The following GRAMD1C variants were observed in gnomAD, a reference collection of about 807,000 sequenced individuals.
The protein encoded by GRAMD1C is protein Aster-C.
A neutral mutation model predicts 97.8 loss-of-function variants in GRAMD1C; 89 were observed. The observed-to-expected ratio is 0.91, with a 90% CI of 0.77 to 1.09. GRAMD1C has a LOEUF of 1.09. Among genes scored for constraint, GRAMD1C ranks in the 50% least tolerant of loss-of-function variants. GRAMD1C has a pLI of 0.00. For synonymous variants in GRAMD1C, 256 were observed against 267.0 expected, an observed-to-expected ratio of 0.96 and a Z score of 0.40; for missense variants, 740 against 766.4, an observed-to-expected ratio of 0.97 and a Z score of 0.41.
Position 113,920,129 on chromosome 3 carries a change from C to CA in GRAMD1C, c.1090+4292dup. 7.2e-6 allele frequency: 10 copies of CA among 1,396,980 alleles called. No homozygotes were observed. In the South Asian group the frequency reaches 1.2e-4, roughly 17 times the overall value. The allele number at this position is 1,396,980 out of a possible 1,614,324, so 86.5% of individuals were successfully genotyped here. A position where few individuals can be genotyped will look rare whatever the true frequency, so the allele number is the denominator to read the frequency against. On this transcript the variant is annotated intron_variant, in intron 10 of 17. Transcript: ENST00000358160. ...AAAAGCTCCTGAAAAACTGAGGAAA[C>CA]AGAGAAAAAACTTTCACCAGTGATT...
intron 6 of GRAMD1C, chr3:113,885,993 G>A: frequency 6.7e-7 from 1 of 1,498,928 alleles, no homozygotes; most frequent in East Asian, 2.8e-5. Flanking sequence ...CGTTCATTCT[G>A]TGCTGAGCCG....
intron 13 of GRAMD1C, among the ~76,000 whole-genome samples, chr3:113,935,345 C>A (rs1447855947): frequency 6.6e-6 from 1 of 152,006 alleles, no homozygotes; most frequent in African/African-American, 2.4e-5. Context: ...TTGTCAGATG[C>A]AGCTTTCCTG....
At chr3:113,863,116 A>G (rs1490537210) in intron 2 of GRAMD1C, among the ~76,000 whole-genome samples, 2 of 152,230 alleles carry the variant, frequency 1.3e-5, no homozygotes, top group Non-Finnish European at 2.9e-5. Context: ...ATATGTTCGC[A>G]TAAACATTTT....
chr3:113,892,669 A>G (rs1213227817), intron 6 of GRAMD1C, among the ~76,000 whole-genome samples: 1 of 152,188 alleles, frequency 6.6e-6, no homozygotes, highest in Non-Finnish European at 1.5e-5. Context: ...CTGTGAGTTT[A>G]GCTCCCATTC....
chr3:113,835,367 T>G (rs910573607), upstream of GRAMD1C, among the ~76,000 whole-genome samples: 1 of 152,240 alleles, frequency 6.6e-6, no homozygotes, highest in African/African-American at 2.4e-5. Flanking sequence ...CTGCAAAATA[T>G]ATCAATGCTC....
At chr3:113,936,165 A>T (rs1937573849) in intron 13 of GRAMD1C, 101 bp from the exon 14 acceptor site, 1 of 660,840 alleles carries the variant, frequency 1.5e-6, no homozygotes, top group African/African-American at 1.8e-5. Context: ...AACCTAAGGA[A>T]TTTGTTAAAG....
At chr3:113,899,726 ACT>A (rs1344048182) in intron 6 of GRAMD1C, among the ~76,000 whole-genome samples, 5 of 152,228 alleles carry the variant, frequency 3.3e-5, no homozygotes, top group Admixed American at 1.3e-4. Flanking sequence ...TTATTTTTCA[ACT>A]GGAGGCCATT....
chr3:113,887,806 G>T (rs1043950992), intron 6 of GRAMD1C, among the ~76,000 whole-genome samples: 52 of 151,274 alleles, frequency 3.4e-4, no homozygotes, highest in Admixed American at 3.4e-3. Context: ...ACTGAAAGTG[G>T]TGACAATACT....
chr3:113,887,836 G>C (rs1935575117), intron 6 of GRAMD1C, among the ~76,000 whole-genome samples: 2 of 149,260 alleles, frequency 1.3e-5, no homozygotes, highest in African/African-American at 4.9e-5. Flanking sequence ...ATAAAAATAA[G>C]AAAATTATAA....
At chr3:113,841,523 C>T (rs552576900) in intron 1 of GRAMD1C, among the ~76,000 whole-genome samples, 48 of 152,102 alleles carry the variant, frequency 3.2e-4, no homozygotes, top group Non-Finnish European at 6.2e-4. Flanking sequence ...CTCCTGACCT[C>T]GTGATCCACC....
At chr3:113,890,896 G>A in intron 6 of GRAMD1C, 1 of 533,702 alleles carries the variant, frequency 1.9e-6, no homozygotes, top group Non-Finnish European at 3.3e-6. Flanking sequence ...GAAGAAGAAA[G>A]GGAATTCCAG....
rs1938019213 is a variant in GRAMD1C at position 113,945,394 on chromosome 3, A to G, written c.1909-4A>G. ...CTGATTTTGAAAATTAACTTTGTTT[A>G]CAGCTGAAGAGCTCACTCATTATGC... is the stretch of plus-strand genomic sequence containing the variant. On this transcript the variant is annotated splice_polypyrimidine_tract_variant and splice_region_variant and intron_variant, in intron 17 of 17. Transcript: ENST00000358160. The G allele has an allele frequency of 6.5e-7, 1 of 1,540,746 alleles. No homozygotes were observed. The highest frequency in any genetic ancestry group is 8.9e-7 in the Non-Finnish European group (1 of 1,122,762).
At chr3:113,876,563 A>G (rs1256816444) in intron 5 of GRAMD1C, among the ~76,000 whole-genome samples, 1 of 152,212 alleles carries the variant, frequency 6.6e-6, no homozygotes, top group African/African-American at 2.4e-5. Flanking sequence ...TTTTTCAGTC[A>G]GTAATAACTG....
At chr3:113,843,565 CT>C (rs1933472908) in intron 1 of GRAMD1C, among the ~76,000 whole-genome samples, 2 of 150,698 alleles carry the variant, frequency 1.3e-5, no homozygotes. Flanking sequence ...CTGCAACCTC[CT>C]CCTCCTGGGT....
At chr3:113,944,550 A>T (rs773674722) in intron 17 of GRAMD1C, among the ~76,000 whole-genome samples, 3 of 152,194 alleles carry the variant, frequency 2.0e-5, no homozygotes, top group Non-Finnish European at 4.4e-5. Flanking sequence ...TCTAATCCAA[A>T]ACCTAATTCT....
At chr3:113,925,148 A>G (rs1007614186) in intron 10 of GRAMD1C, among the ~76,000 whole-genome samples, 2 of 152,108 alleles carry the variant, frequency 1.3e-5, no homozygotes, top group Non-Finnish European at 2.9e-5. Flanking sequence ...CCACCCCTTT[A>G]CATTGAGCCT....
rs761604563 is a variant in GRAMD1C at position 113,901,056 on chromosome 3, A to C, written c.566A>C (p.Gln189Pro). Residue 189 changes from glutamine to proline, a missense_variant, in exon 7 of 18, where the codon CAA (glutamine) becomes CCA (proline). Gln to Pro is a moderately conservative substitution (Grantham distance 76). Transcript: ENST00000358160. ...DKSLTRQEFW[Q>P]LLQQNYGTEL... ...AGCCTGACTAGACAGGAATTCTGGC[A>C]ACTGCTCCAGCAGAACTATGGCACT... The C allele has an allele frequency of 4.4e-6, 7 of 1,604,586 alleles. No homozygotes were observed.
chr3:113,884,407 A>G (rs1935371331), intron 6 of GRAMD1C, among the ~76,000 whole-genome samples: 1 of 152,248 alleles, frequency 6.6e-6, no homozygotes, highest in South Asian at 2.1e-4. Flanking sequence ...ACTTTGGGTT[A>G]GATGAAAACA....
intron 5 of GRAMD1C, among the ~76,000 whole-genome samples, chr3:113,878,004 T>C (rs528934207): frequency 5.9e-5 from 9 of 152,306 alleles, no homozygotes; most frequent in Admixed American, 2.6e-4. Context: ...GGTCTTGAAC[T>C]CCTGACCTCA....
Sources: gnomAD v4.1 joint callset for allele counts (sites outside exome capture counted in the v4.1 genomes callset) on GRCh38, gnomAD v4.1.1 for gene constraint, MANE v1.5 for transcripts, NCBI Gene and HGNC (gene_info 2026-07-23, HGNC 2026-07-21) for gene names.